Variants in CDK12 observed in about 807,000 individuals in gnomAD.
CDK12 encodes cyclin dependent kinase 12.
In CDK12, 17 loss-of-function variants were observed where a neutral mutation model predicts 133.8. That is an observed-to-expected ratio of 0.13 (90% CI 0.09 to 0.19). The LOEUF (loss-of-function observed/expected upper bound fraction) is 0.19. CDK12 is among the 10% of genes least tolerant of loss of function. CDK12 has a pLI of 1.00. For missense variants in CDK12, 1,508 were observed against 1,818.7 expected, an observed-to-expected ratio of 0.83 and a Z score of 3.11; for synonymous variants, 694 against 683.6, an observed-to-expected ratio of 1.02 and a Z score of -0.24.
chr17:39,473,943 G>A (rs1211718548), intron 2 of CDK12, among the ~76,000 whole-genome samples: 2 of 152,018 alleles, frequency 1.3e-5, no homozygotes, highest in African/African-American at 4.8e-5. Context: ...TGTAATCCCA[G>A]CTACTCAGAA....
chr17:39,498,487 T>C (rs577153579), intron 5 of CDK12, among the ~76,000 whole-genome samples: 1 of 152,288 alleles, frequency 6.6e-6, no homozygotes, highest in East Asian at 1.9e-4. Context: ...CCTCCCAAAG[T>C]GCTGGGATTA....
At chr17:39,528,334 T>G (rs1272476722) in intron 13 of CDK12, among the ~76,000 whole-genome samples, 1 of 152,022 alleles carries the variant, frequency 6.6e-6, no homozygotes, top group Non-Finnish European at 1.5e-5. Flanking sequence ...TAATAAGTTT[T>G]TTTGTTTGTT....
chr17:39,495,890 T>G (rs948635215), intron 5 of CDK12, among the ~76,000 whole-genome samples: 12 of 151,686 alleles, frequency 7.9e-5, no homozygotes, highest in African/African-American at 2.4e-4. Flanking sequence ...TACATTTCGG[T>G]ATATTTGCTT....
At chr17:39,508,558 GC>G (rs1323758312) in intron 6 of CDK12, among the ~76,000 whole-genome samples, 2 of 152,070 alleles carry the variant, frequency 1.3e-5, no homozygotes, top group African/African-American at 2.4e-5. Flanking sequence ...AGGAAAAATA[GC>G]TAATGCTTGC....
rs1157017445 is a variant in CDK12, at chr17:39,501,364, A to C, written c.2534A>C (p.Glu845Ala). 1 of 1,613,604 alleles carries C rather than the reference A, an allele frequency of 6.2e-7. No individual in the cohort carries two copies. The highest frequency in any genetic ancestry group is 8.5e-7 in the Non-Finnish European group (1 of 1,179,834). Residue 845 changes from glutamate to alanine, a missense_variant, in exon 6 of 14, where the codon GAA becomes GCA. Around this residue, in one of 9 missense-constraint regions of CDK12, gnomAD observed 82 missense variants for 201.5 expected, o/e 0.41. Transcript: ENST00000447079. ...AAGTCGTTCATGAAACAGCTAATGG[A>C]AGGATTGGAATACTGTCACAAAAAG... ...HIKSFMKQLMEGLEYCHKKNF... is the reference protein window; with the variant it reads ...HIKSFMKQLMAGLEYCHKKNF...
intron 2 of CDK12, among the ~76,000 whole-genome samples, chr17:39,485,830 A>C (rs1381981728): frequency 6.6e-6 from 1 of 152,000 alleles, no homozygotes; most frequent in Non-Finnish European, 1.5e-5. Flanking sequence ...CTATGATTGC[A>C]CCACTACAGT....
chr17:39,497,046 T>G (rs1020184847), intron 5 of CDK12, among the ~76,000 whole-genome samples: 1 of 150,322 alleles, frequency 6.7e-6, no homozygotes, highest in Non-Finnish European at 1.5e-5. Flanking sequence ...TTCTCCTGCC[T>G]CAGCCTTTGG....
upstream of CDK12, chr17:39,549,735 A>C (rs1355765319): frequency 6.6e-6 from 1 of 152,120 alleles, no homozygotes; most frequent in Non-Finnish European, 1.5e-5. Flanking sequence ...TCTGCCATCT[A>C]CACTTTTGCC....
intron 13 of CDK12, 36 bp downstream of exon 13, chr17:39,526,352 G>T (rs766065032): frequency 6.1e-6 from 9 of 1,481,154 alleles, no homozygotes; most frequent in Non-Finnish European, 1.8e-6. Flanking sequence ...TTGAGCTCAG[G>T]TGCTGTTGAT....
intron 2 of CDK12, among the ~76,000 whole-genome samples, chr17:39,478,959 C>T (rs1013405847): frequency 6.6e-6 from 1 of 151,872 alleles, no homozygotes; most frequent in Non-Finnish European, 1.5e-5. Flanking sequence ...ATCCATGTAC[C>T]AGCTGCTCCT....
At position 39,462,013 on chromosome 17, in the gene CDK12, G is replaced by A; in HGVS notation, c.-59G>A. ...GAGTTGGGGTTGGGGGGGTGGGTGG[G>A]GGTTGCTTTTTGGAGTGCTGGGGAA... On this transcript the variant is annotated 5_prime_UTR_variant, in exon 1 of 14. Transcript: ENST00000447079. 7.1e-7 allele frequency: 1 copy of A among 1,414,560 alleles called. No homozygotes were observed. Among genetic ancestry groups the A allele is most frequent in the Non-Finnish European group, 9.7e-7 (1 of 1,026,386 alleles). The allele number at this position is 1,414,560 out of a possible 1,614,324, so 87.6% of individuals were successfully genotyped here.
chr17:39,533,645 CCT>C lies in CDK12; in HGVS notation c.*2331_*2332del. 4.3e-6 allele frequency: 1 copy of C among 232,958 alleles called. No individual in the cohort carries two copies. Among genetic ancestry groups the C allele is most frequent in the Non-Finnish European group, 8.5e-6 (1 of 117,860 alleles). The allele number at this position is 232,958 out of a possible 1,614,324, so 14.4% of individuals were successfully genotyped here. ...AAATATCCTAAATAATATACTTAAG[CCT>C]CCATTCCCTCATCCCTACTAGGGAA... On this transcript the variant is annotated 3_prime_UTR_variant, in exon 14 of 14. Transcript: ENST00000447079.
At chr17:39,538,759 G>A (rs906862790), downstream of CDK12, among the ~76,000 whole-genome samples, 10 of 152,150 alleles carry the variant, frequency 6.6e-5, no homozygotes, top group Admixed American at 2.0e-4. Context: ...TTAGCCAGGC[G>A]TGGTGGCACA....
downstream of CDK12, among the ~76,000 whole-genome samples, chr17:39,565,983 A>G (rs2056561126): frequency 6.6e-6 from 1 of 152,188 alleles, no homozygotes; most frequent in African/African-American, 2.4e-5. Context: ...CTAGGCCTGT[A>G]TGTAGAGTCA....
chr17:39,535,729 CTG>C (rs770438726), downstream of CDK12, among the ~76,000 whole-genome samples: 13 of 152,170 alleles, frequency 8.5e-5, no homozygotes, highest in Non-Finnish European at 1.9e-4. Flanking sequence ...GCATCCTTAA[CTG>C]TATGGTTAAT....
exon 1 of CDK12, chr17:39,550,245 T>G (rs2055898979): frequency 6.6e-6 from 1 of 152,166 alleles, no homozygotes; most frequent in Non-Finnish European, 1.5e-5. Flanking sequence ...ATTGGGCCAC[T>G]GGGTGCGGTT....
chr17:39,483,260 T>C (rs2050863000), intron 2 of CDK12, among the ~76,000 whole-genome samples: 1 of 151,128 alleles, frequency 6.6e-6, no homozygotes, highest in African/African-American at 2.5e-5. Flanking sequence ...GAAATCACTG[T>C]TTCTTTTCTT....
chr17:39,485,761 T>C (rs1163600288), intron 2 of CDK12, among the ~76,000 whole-genome samples: 1 of 150,320 alleles, frequency 6.7e-6, no homozygotes, highest in Non-Finnish European at 1.5e-5. Flanking sequence ...GCACCTGTAG[T>C]CTCAGCTGCT....
chr17:39,463,226 A>G (rs2049071776), intron 1 of CDK12, 109 bp downstream of exon 1: 1 of 940,884 alleles, frequency 1.1e-6, no homozygotes. Context: ...ATTGACTAGA[A>G]CACTTTGCTG....
Sources: gnomAD v4.1 joint callset for allele counts (sites outside exome capture counted in the v4.1 genomes callset) on GRCh38, gnomAD v4.1.1 for gene constraint, gnomAD v4.1.1 regional missense constraint, MANE v1.5 for transcripts, NCBI Gene and HGNC (gene_info 2026-07-23, HGNC 2026-07-21) for gene names.